The following TTLL12 variants were observed in gnomAD, a reference collection of about 807,000 sequenced individuals.
TTLL12 encodes the protein tubulin tyrosine ligase like 12.
A neutral mutation model predicts 79.6 loss-of-function variants in TTLL12; 77 were observed. The observed-to-expected ratio is 0.97, with a 90% CI of 0.81 to 1.17. The LOEUF is 1.17. TTLL12 is among the 50% of genes most tolerant of loss of function. The pLI, the probability that TTLL12 is intolerant of heterozygous loss-of-function variation, is 0.00. For missense variants in TTLL12, 969 were observed against 895.9 expected (o/e 1.08, Z -1.04); for synonymous variants, 437 against 376.1 (o/e 1.16, Z -1.87).
chr22:43,174,400 T>G lies in TTLL12; in HGVS notation c.1038A>C (p.Lys346Asn), dbSNP rs1243106919. The change falls in exon 8 of 14, where the codon AAA becomes AAC. Residue 346 changes from lysine (K) to asparagine (N), a missense_variant. By Grantham distance (94) the Lys-to-Asn change is moderately conservative (BLOSUM62 0). Transcript: ENST00000216129. Reference protein sequence around the residue: ...FNFSHFKDYRKLSQERPGVLL... With the variant: ...FNFSHFKDYRNLSQERPGVLL... ...GCACGCCTGGCCTCTCCTGGCTGAG[T>G]TTCCTGCAGGGCGGAGGCAGGTGCG... 1 of 1,560,342 alleles carries G rather than the reference T, an allele frequency of 6.4e-7. No individual in the cohort carries two copies. The highest frequency in any genetic ancestry group is 1.8e-5 in the Admixed American group (1 of 55,442).
chr22:43,174,064 G>A (rs1037018082), intron 8 of TTLL12, 145 bp downstream of exon 8: 16 of 1,190,336 alleles, frequency 1.3e-5, no homozygotes, highest in Non-Finnish European at 1.9e-5. Flanking sequence ...TGCGGTCCGT[G>A]AAGACGGCCG....
At chr22:43,186,078 G>A in intron 1 of TTLL12, 20 of 939,790 alleles carry the variant, frequency 2.1e-5, no homozygotes, top group Non-Finnish European at 2.5e-5. Context: ...TTCCCGGCCC[G>A]GGTCCCTGTT....
chr22:43,172,464 G>A lies in TTLL12; in HGVS notation c.1432C>T (p.Arg478Trp), dbSNP rs11554504. 8 of 1,614,012 alleles carry A rather than the reference G, an allele frequency of 5.0e-6. No individual in the cohort carries two copies. The highest frequency in any genetic ancestry group is 3.3e-5 in the Admixed American group (2 of 59,986). The stretch of plus-strand genomic sequence containing the variant: ...AACAACCGTAGGGGCCTCACTGACC[G>A]CAGCAGCACGATGTAGCGGATGTCG... ...KFDIRYIVLL[R>W]SVRPLRLFVY... Residue 478 changes from arginine to tryptophan, a missense_variant, in exon 10 of 14, where the codon CGG (arginine) becomes TGG (tryptophan). Transcript: ENST00000216129.
intron 5 of TTLL12, among the ~76,000 whole-genome samples, chr22:43,178,276 C>T (rs1378633668): frequency 7.1e-6 from 1 of 140,226 alleles, no homozygotes; most frequent in East Asian, 2.5e-4. Flanking sequence ...CCCCTGCAAT[C>T]AGCAGCGCCC....
rs1209972494 is a variant in TTLL12 at position 43,167,295 on chromosome 22, T to G, written c.*713A>C. 4.3e-6 allele frequency: 2 copies of G among 462,152 alleles called. No homozygotes were observed. The highest frequency in any genetic ancestry group is 4.0e-5 in the African/African-American group (2 of 49,942). The allele number at this position is 462,152 out of a possible 1,614,324, so 28.6% of individuals were successfully genotyped here. The stretch of plus-strand genomic sequence containing the variant: ...GGGCAACCACTGGGAAGACAGATAC[T>G]GATTTCCCTGTTGGGGTCTGTGACC... On this transcript the variant is annotated 3_prime_UTR_variant, in exon 14 of 14. Coordinates refer to ENST00000216129, the MANE Select transcript of TTLL12 (RefSeq NM_015140.4).
At chr22:43,176,981 G>A (rs987526245) in intron 5 of TTLL12, among the ~76,000 whole-genome samples, 1 of 152,228 alleles carries the variant, frequency 6.6e-6, no homozygotes, top group East Asian at 1.9e-4. Flanking sequence ...AAAATCGCAG[G>A]GGGCGAGAAG....
intron 10 of TTLL12, 54 bp from the exon 11 acceptor site, chr22:43,171,954 G>T: frequency 6.7e-7 from 1 of 1,501,786 alleles, no homozygotes; most frequent in South Asian, 1.2e-5. Flanking sequence ...TTGTCCCTGC[G>T]AGGGAGGTGC....
At chr22:43,176,691 C>G (rs1437036747) in intron 5 of TTLL12, among the ~76,000 whole-genome samples, 1 of 137,382 alleles carries the variant, frequency 7.3e-6, no homozygotes, top group Non-Finnish European at 1.5e-5. Context: ...GATTGCGCCA[C>G]TGCACTCCAG....
chr22:43,176,120 C>T (rs1007979087), intron 6 of TTLL12, among the ~76,000 whole-genome samples, 200 bp downstream of exon 6: 1 of 151,900 alleles, frequency 6.6e-6, no homozygotes, highest in Non-Finnish European at 1.5e-5. Context: ...CCTGCTCGCT[C>T]TCTCACTTTC....
Position 43,167,331 on chromosome 22 carries a change from G to A in TTLL12, c.*677C>T, listed in dbSNP as rs1306717486. On this transcript the variant is annotated 3_prime_UTR_variant, in exon 14 of 14. Transcript: ENST00000216129. Reference sequence around the variant, plus strand: ...TTGGGGTCTGTGACCCTCAGCAAACGAAAAGGAAACGGTAACAAGACGGTG... The same window carrying A: ...TTGGGGTCTGTGACCCTCAGCAAACAAAAAGGAAACGGTAACAAGACGGTG... 10 of 366,358 alleles carry A rather than the reference G, an allele frequency of 2.7e-5. No individual in the cohort carries two copies. Among genetic ancestry groups the A allele is most frequent in the East Asian group, 8.5e-5 (1 of 11,718 alleles). The allele number at this position is 366,358 out of a possible 1,614,324, so 22.7% of individuals were successfully genotyped here.
intron 1 of TTLL12, 83 bp from the exon 2 acceptor site, chr22:43,183,232 G>C (rs1366729236): frequency 1.9e-5 from 30 of 1,546,626 alleles, no homozygotes; most frequent in Non-Finnish European, 2.6e-5. Context: ...AGCCACCCGA[G>C]GTGCCACACC....
chr22:43,176,836 C>A (rs1053486925), intron 5 of TTLL12, among the ~76,000 whole-genome samples: 2 of 152,078 alleles, frequency 1.3e-5, no homozygotes, highest in Non-Finnish European at 2.9e-5. Flanking sequence ...TCCTCCCTCC[C>A]AACACCCCAA....
chr22:43,176,603 G>A (rs1468527801), intron 5 of TTLL12, among the ~76,000 whole-genome samples: 1 of 151,930 alleles, frequency 6.6e-6, no homozygotes, highest in East Asian at 1.9e-4. Flanking sequence ...GGTGGCGCGT[G>A]CCTGTAATTC....
At chr22:43,184,318 G>T (rs79002438) in intron 1 of TTLL12, among the ~76,000 whole-genome samples, 1 of 152,244 alleles carries the variant, frequency 6.6e-6, no homozygotes, top group Non-Finnish European at 1.5e-5. Context: ...GTGGCGTGAG[G>T]ATGAATCACT....
intron 11 of TTLL12, among the ~76,000 whole-genome samples, chr22:43,171,071 C>T (rs963848515): frequency 6.6e-6 from 1 of 152,168 alleles, no homozygotes; most frequent in Non-Finnish European, 1.5e-5. Flanking sequence ...ATGGGGAGTC[C>T]GCGGCACCTG....
At position 43,183,123 on chromosome 22, in the gene TTLL12, C is replaced by A. The variant is rs148369647; in HGVS notation, c.204G>T (p.Gly68=). 1.2e-6 allele frequency: 2 copies of A among 1,613,920 alleles called. No homozygotes were observed. The highest frequency in any genetic ancestry group is 2.7e-5 in the African/African-American group (2 of 75,048). The change falls in exon 2 of 14, where the codon GGG becomes GGT. Residue 68 remains glycine (G), a synonymous_variant. Transcript: ENST00000216129. Reference sequence around the variant, plus strand: ...CTTCTACCTCCTCCACTTGCATGATCCCAAACACTTCCCCAGCGTCGAAAA... The same window carrying A: ...CTTCTACCTCCTCCACTTGCATGATACCAAACACTTCCCCAGCGTCGAAAA... ...HEVFDAGEVF[G]IMQVEEVEEE...
intron 1 of TTLL12, 34 bp downstream of exon 1, chr22:43,186,859 G>A (rs1932197636): frequency 1.3e-5 from 16 of 1,244,076 alleles, no homozygotes; most frequent in Non-Finnish European, 1.6e-5. Flanking sequence ...CTCCCACCCC[G>A]GCCGCCGCAC....
Position 43,180,732 on chromosome 22 carries a change from A to G in TTLL12, c.546+10T>C. On this transcript the variant is annotated intron_variant, in intron 3 of 13. Transcript: ENST00000216129. ...TCCTCCCCCTCCCCGGGGCCCAGCT[A>G]CCCACTCACCCCATGGGCCAGCTGG... is the stretch of plus-strand genomic sequence containing the variant. The G allele has an allele frequency of 6.2e-7, 1 of 1,612,412 alleles. No homozygotes were observed.
intron 8 of TTLL12, 42 bp from the exon 9 acceptor site, chr22:43,173,868 T>C (rs371804161): frequency 1.9e-4 from 302 of 1,557,332 alleles, no homozygotes; most frequent in Non-Finnish European, 2.6e-4. Context: ...CTGGGGCCTG[T>C]GTTCCCAGAT....
Sources: gnomAD v4.1 joint callset for allele counts (sites outside exome capture counted in the v4.1 genomes callset) on GRCh38, gnomAD v4.1.1 for gene constraint, MANE v1.5 for transcripts, NCBI Gene and HGNC (gene_info 2026-07-23, HGNC 2026-07-21) for gene names.